The following RAP1GDS1 variants were observed in gnomAD, a reference collection of about 807,000 sequenced individuals.
RAP1GDS1 encodes RAP1, GTP-GDP dissociation stimulator 1.
In RAP1GDS1, 35 loss-of-function variants were observed where a neutral mutation model predicts 71.1. That is an observed-to-expected ratio of 0.49 (90% CI 0.38 to 0.65). The LOEUF (loss-of-function observed/expected upper bound fraction) is 0.65, where lower values mean the gene tolerates loss of function less well. Among genes scored for constraint, RAP1GDS1 ranks in the 30% least tolerant of loss-of-function variants. The probability of loss-of-function intolerance (pLI) is 0.00; values close to 1 mark genes in which losing one functional copy is unlikely to be tolerated. For synonymous variants in RAP1GDS1, 229 were observed against 243.1 expected, an observed-to-expected ratio of 0.94 and a Z score of 0.54; for missense variants, 663 against 706.1, an observed-to-expected ratio of 0.94 and a Z score of 0.69.
intron 1 of RAP1GDS1, among the ~76,000 whole-genome samples, chr4:98,263,176 C>G (rs1722269147): frequency 1.3e-5 from 2 of 152,094 alleles, no homozygotes; most frequent in South Asian, 4.2e-4. Flanking sequence ...AACATACATA[C>G]ACAGATAAGT....
chr4:98,347,964 T>C (rs999579378), intron 3 of RAP1GDS1, among the ~76,000 whole-genome samples: 1 of 152,140 alleles, frequency 6.6e-6, no homozygotes, highest in Non-Finnish European at 1.5e-5. Flanking sequence ...TTTAAACATA[T>C]TCTTTTTTAT....
chr4:98,409,596 G>A (rs1420429604), intron 7 of RAP1GDS1: 5 of 205,072 alleles, frequency 2.4e-5, no homozygotes, highest in Admixed American at 1.1e-4. Context: ...ATACCTCCCC[G>A]AAACACATGA....
In RAP1GDS1 at chr4:98,385,731, G is replaced by A. The variant is rs977566828; in HGVS notation, c.509-6221G>A. On this transcript the variant is annotated intron_variant, in intron 5 of 14. Coordinates refer to ENST00000408927, the MANE Select transcript of RAP1GDS1 (RefSeq NM_001100427.2). ...GATGTATCTTGTTAACAGAATTTTT[G>A]CCTTGCAAATAACTTCTGTGCAATT... is the stretch of plus-strand genomic sequence containing the variant. 1.2e-4 allele frequency among the ~76,000 whole-genome samples: 18 copies of A among 151,898 alleles called. No homozygotes were observed. In the East Asian group the frequency reaches 1.4e-3, roughly 11 times the overall value.
In RAP1GDS1 at chr4:98,399,480, G is replaced by C. The variant is rs972454606; in HGVS notation, c.638-4997G>C. 3.9e-5 allele frequency among the ~76,000 whole-genome samples: 6 copies of C among 152,080 alleles called. No individual in the cohort carries two copies. The East Asian group carries it at 1.2e-3, about 29-fold the overall frequency. On this transcript the variant is annotated intron_variant, in intron 6 of 14. Coordinates refer to ENST00000408927, the MANE Select transcript of RAP1GDS1 (RefSeq NM_001100427.2). Reference sequence around the variant, plus strand: ...CATTTGTTTTTGTATTTTTTGTAGAGACAGGGTTTTACCATGCTTCCCAGG... The same window carrying C: ...CATTTGTTTTTGTATTTTTTGTAGACACAGGGTTTTACCATGCTTCCCAGG...
intron 1 of RAP1GDS1, among the ~76,000 whole-genome samples, chr4:98,273,435 G>C (rs182479897): frequency 6.4e-4 from 97 of 152,080 alleles, no homozygotes; most frequent in African/African-American, 2.3e-3. Context: ...TACTACATTT[G>C]AAATATGATA....
At chr4:98,293,828 G>A (rs1031068280) in intron 2 of RAP1GDS1, among the ~76,000 whole-genome samples, 1 of 152,064 alleles carries the variant, frequency 6.6e-6, no homozygotes, top group Non-Finnish European at 1.5e-5. Flanking sequence ...GTTTTTCTTA[G>A]CACCTACATC....
chr4:98,299,446 T>C (rs184824846), intron 2 of RAP1GDS1, among the ~76,000 whole-genome samples: 26 of 152,274 alleles, frequency 1.7e-4, no homozygotes, highest in African/African-American at 6.0e-4. Context: ...CCCTCTATTA[T>C]GGATGACTTT....
At chr4:98,282,445 C>T (rs536654660) in intron 1 of RAP1GDS1, among the ~76,000 whole-genome samples, 11 of 151,984 alleles carry the variant, frequency 7.2e-5, no homozygotes, top group African/African-American at 1.2e-4. Context: ...TCTGTGGGAT[C>T]GGTGGTGATA....
intron 3 of RAP1GDS1, among the ~76,000 whole-genome samples, chr4:98,350,543 A>C (rs1224919574): frequency 6.6e-6 from 1 of 152,070 alleles, no homozygotes; most frequent in Admixed American, 6.5e-5. Flanking sequence ...TCTGTCTATA[A>C]AAAAATAAAA....
chr4:98,375,515 A>G (rs1347604519), intron 4 of RAP1GDS1, among the ~76,000 whole-genome samples: 2 of 152,192 alleles, frequency 1.3e-5, no homozygotes, highest in African/African-American at 4.8e-5. Flanking sequence ...ATTATCTCCT[A>G]TAGAAAAAGA....
rs1301840673 is a variant in RAP1GDS1, at chr4:98,321,660, A to G, written c.113-21479A>G. Among the ~76,000 whole-genome samples the G allele has an allele frequency of 1.3e-4, 19 of 145,658 alleles. No homozygotes were observed. In the South Asian group the frequency reaches 2.5e-3, roughly 19 times the overall value. ...ATTTTCAACCCAGAATTTCATATCC[A>G]GCCAAACTAAGCTTCATAAGTGAAG... On this transcript the variant is annotated intron_variant, in intron 2 of 14. Coordinates refer to ENST00000408927, the MANE Select transcript of RAP1GDS1 (RefSeq NM_001100427.2).
intron 5 of RAP1GDS1, among the ~76,000 whole-genome samples, chr4:98,382,356 AAAAT>A: frequency 6.6e-6 from 1 of 151,758 alleles, no homozygotes; most frequent in South Asian, 2.1e-4. Context: ...CATTTTGGAA[AAAAT>A]ATACATGTTT....
intron 4 of RAP1GDS1, among the ~76,000 whole-genome samples, chr4:98,363,632 TTGA>T (rs1739081034): frequency 1.3e-5 from 2 of 152,136 alleles, no homozygotes; most frequent in South Asian, 2.1e-4. Context: ...AACAAAAGTG[TTGA>T]TGATAGAAAG....
chr4:98,391,305 G>A (rs1743621474), intron 5 of RAP1GDS1, among the ~76,000 whole-genome samples: 1 of 152,046 alleles, frequency 6.6e-6, no homozygotes, highest in African/African-American at 2.4e-5. Flanking sequence ...CTCTAAGCCA[G>A]ACTTTCCTCT....
At chr4:98,396,281 G>A (rs543444065) in intron 6 of RAP1GDS1, 1 of 152,224 alleles carries the variant, frequency 6.6e-6, no homozygotes, top group African/African-American at 2.4e-5. Context: ...GACAAATAAG[G>A]AAAAATAATA....
intron 7 of RAP1GDS1, among the ~76,000 whole-genome samples, chr4:98,414,061 G>A (rs1747519904): frequency 6.6e-6 from 1 of 151,590 alleles, no homozygotes; most frequent in South Asian, 2.1e-4. Context: ...CTTTTTGATG[G>A]GGTTGTTTTT....
chr4:98,303,252 T>C (rs1361508271), intron 2 of RAP1GDS1, among the ~76,000 whole-genome samples: 1 of 152,144 alleles, frequency 6.6e-6, no homozygotes, highest in Non-Finnish European at 1.5e-5. Context: ...CTCTTTGCCT[T>C]CTAGAAGAAT....
chr4:98,377,056 A>G (rs1371281155), intron 4 of RAP1GDS1, among the ~76,000 whole-genome samples: 1 of 152,018 alleles, frequency 6.6e-6, no homozygotes, highest in African/African-American at 2.4e-5. Context: ...AATAGGTGCC[A>G]CATAGTTTCT....
chr4:98,442,307 G>A lies in RAP1GDS1; in HGVS notation c.*190G>A. 2.7e-6 allele frequency: 2 copies of A among 740,196 alleles called. No homozygotes were observed. Among genetic ancestry groups the A allele is most frequent in the Non-Finnish European group, 4.0e-6 (2 of 502,588 alleles). 45.9% of individuals were successfully genotyped at this position (740,196 alleles called of 1,614,324 possible). A position where few individuals can be genotyped will look rare whatever the true frequency, so the allele number is the denominator to read the frequency against. On this transcript the variant is annotated 3_prime_UTR_variant, in exon 15 of 15. Transcript: ENST00000408927. ...CTATAGTTAGTGTGATCATGACTTT[G>A]TCAAAGGCAAGTCTCCACCCATAAC...
Sources: gnomAD v4.1 joint callset for allele counts (sites outside exome capture counted in the v4.1 genomes callset) on GRCh38, gnomAD v4.1.1 for gene constraint, MANE v1.5 for transcripts, NCBI Gene and HGNC (gene_info 2026-07-23, HGNC 2026-07-21) for gene names.